The following SMYD4 variants were observed in gnomAD, a reference collection of about 807,000 sequenced individuals.
The protein encoded by SMYD4 is protein-lysine N-methyltransferase SMYD4.
In SMYD4, 68 loss-of-function variants were observed where a neutral mutation model predicts 72.8. The observed-to-expected ratio is 0.93, with a 90% confidence interval of 0.77 to 1.14. The LOEUF is 1.14. Ranked by LOEUF, SMYD4 falls within the 50% of genes most tolerant of loss-of-function variation. The pLI, the probability that SMYD4 is intolerant of heterozygous loss-of-function variation, is 0.00. For synonymous variants in SMYD4, 407 were observed against 388.6 expected (o/e 1.05, Z -0.56); for missense variants, 984 against 1,003.7 (o/e 0.98, Z 0.27).
At chr17:1,797,221 T>C (rs1369135086) in intron 5 of SMYD4, among the ~76,000 whole-genome samples, 1 of 152,248 alleles carries the variant, frequency 6.6e-6, no homozygotes, top group African/African-American at 2.4e-5. Context: ...CCACATTTAA[T>C]ATTCATCTGT....
intron 3 of SMYD4, among the ~76,000 whole-genome samples, chr17:1,807,305 T>C (rs986813439): frequency 6.6e-6 from 1 of 150,976 alleles, no homozygotes; most frequent in African/African-American, 2.4e-5. Context: ...GAACGCCATG[T>C]AGCCATCATA....
At chr17:1,827,264 C>A (rs190976074) in intron 2 of SMYD4, among the ~76,000 whole-genome samples, 1 of 151,300 alleles carries the variant, frequency 6.6e-6, no homozygotes, top group Non-Finnish European at 1.5e-5. Context: ...ATTGCCTGAA[C>A]CCGGGAGGCG....
rs145760973 is a variant in SMYD4, at chr17:1,819,813, A to T, written c.135-7698T>A. 7.2e-5 allele frequency among the ~76,000 whole-genome samples: 11 copies of T among 152,300 alleles called. No individual in the cohort carries two copies. In the East Asian group the frequency reaches 1.9e-3, roughly 27 times the overall value. On this transcript the variant is annotated intron_variant, in intron 2 of 10. Transcript: ENST00000305513. ...CTTATTTTTGTTTGTTTTGAGACAG[A>T]GTCTCACTCTGTTTCCCAGGCTGGA... is the stretch of plus-strand genomic sequence containing the variant.
At chr17:1,808,203 T>G (rs1910141756) in intron 3 of SMYD4, among the ~76,000 whole-genome samples, 1 of 152,218 alleles carries the variant, frequency 6.6e-6, no homozygotes, top group East Asian at 1.9e-4. Flanking sequence ...CATTGCAGTA[T>G]TATGATCCCG....
At chr17:1,820,983 A>G (rs1910856966) in intron 2 of SMYD4, among the ~76,000 whole-genome samples, 1 of 152,178 alleles carries the variant, frequency 6.6e-6, no homozygotes, top group Admixed American at 6.6e-5. Flanking sequence ...CTTGTTTTTA[A>G]GGAGAGAGGT....
chr17:1,790,033 T>C (rs1032409374), intron 5 of SMYD4, among the ~76,000 whole-genome samples: 4 of 152,192 alleles, frequency 2.6e-5, no homozygotes, highest in African/African-American at 7.2e-5. Context: ...TATGTGCTAA[T>C]GAGCAGTGAA....
intron 3 of SMYD4, among the ~76,000 whole-genome samples, chr17:1,807,790 G>A (rs1910121574): frequency 1.3e-5 from 2 of 152,172 alleles, no homozygotes; most frequent in Admixed American, 1.3e-4. Context: ...GTGCAGGAGT[G>A]GAAGGCTGTA....
chr17:1,813,722 A>G (rs560386754), intron 2 of SMYD4, among the ~76,000 whole-genome samples: 107 of 152,246 alleles, frequency 7.0e-4, no homozygotes, highest in Admixed American at 6.9e-3. Context: ...GCCTCTTTAT[A>G]CTATTTTTGC....
intron 4 of SMYD4, among the ~76,000 whole-genome samples, chr17:1,801,996 A>G (rs1196726754): frequency 6.6e-6 from 1 of 151,860 alleles, no homozygotes; most frequent in Non-Finnish European, 1.5e-5. Flanking sequence ...AAACAAACAA[A>G]AAACCAAATA....
At chr17:1,801,976 A>G (rs1246927052) in intron 4 of SMYD4, among the ~76,000 whole-genome samples, 2 of 152,034 alleles carry the variant, frequency 1.3e-5, no homozygotes, top group African/African-American at 4.8e-5. Flanking sequence ...ACTCTGTCTC[A>G]AAAACAAACA....
intron 2 of SMYD4, among the ~76,000 whole-genome samples, chr17:1,822,136 A>G (rs1381069765): frequency 6.6e-6 from 1 of 151,696 alleles, no homozygotes; most frequent in Non-Finnish European, 1.5e-5. Flanking sequence ...CGGGAGACTG[A>G]GGCAAGATAA....
chr17:1,794,027 A>G (rs11653651), intron 5 of SMYD4, among the ~76,000 whole-genome samples: 22,199 of 56,560 alleles, frequency 0.39, 3,756 homozygotes, highest in African/African-American at 0.46. Context: ...ATATGTGTGT[A>G]TATATATATG....
Position 1,812,062 on chromosome 17 carries a change from T to C in SMYD4, c.188A>G (p.Lys63Arg). 1 of 1,614,160 alleles carries C rather than the reference T, an allele frequency of 6.2e-7. No homozygotes were observed. Among genetic ancestry groups the C allele is most frequent in the Non-Finnish European group, 8.5e-7 (1 of 1,180,028 alleles). Residue 63 changes from lysine (K) to arginine (R), a missense_variant, in exon 3 of 11, where the codon AAG becomes AGG. Physicochemically the swap from Lys to Arg is conservative, Grantham distance 26. Transcript: ENST00000305513. The stretch of plus-strand genomic sequence containing the variant: ...GTAGAAAAGAGGAGCGTCCGAGTCC[T>C]TTCCCACCAAGTAACCTTTAGAAAG... ...KRLSKGYLVG[K>R]DSDAPLFYRE...
chr17:1,811,959 G>A lies in SMYD4; in HGVS notation c.279+12C>T, dbSNP rs369435890. On this transcript the variant is annotated intron_variant, in intron 3 of 10. Coordinates refer to ENST00000305513, the MANE Select transcript of SMYD4 (RefSeq NM_052928.3). ...AATAAATAATAAATTGCTTGAGCTG[G>A]GAGTGTTTTACCTTAGAGTACAGCA... is the stretch of plus-strand genomic sequence containing the variant. 1 of 1,607,642 alleles carries A rather than the reference G, an allele frequency of 6.2e-7. No homozygotes were observed. Among genetic ancestry groups the A allele is most frequent in the Non-Finnish European group, 8.5e-7 (1 of 1,178,148 alleles).
intron 2 of SMYD4, chr17:1,814,911 C>T (rs138218365): frequency 6.6e-4 from 100 of 152,240 alleles, no homozygotes; most frequent in African/African-American, 2.4e-3. Context: ...ATACCCTATG[C>T]CTGTCTGGTA....
intron 5 of SMYD4, among the ~76,000 whole-genome samples, chr17:1,797,737 C>T (rs112482897): frequency 0.022 from 3,341 of 152,290 alleles, 48 homozygotes; most frequent in Non-Finnish European, 0.034. Context: ...CACGGTGGCT[C>T]ACGCCTGTAA....
intron 3 of SMYD4, among the ~76,000 whole-genome samples, chr17:1,806,573 C>T (rs925861597): frequency 6.6e-6 from 1 of 152,090 alleles, no homozygotes; most frequent in Admixed American, 6.6e-5. Flanking sequence ...CAGCCTCATA[C>T]AATCAATAAA....
rs1379588754 is a variant in SMYD4, at chr17:1,779,956, G to GCCA, written c.*1327_*1329dup. The GCCA allele has an allele frequency of 6.6e-6, 1 of 152,646 alleles. No individual in the cohort carries two copies. The highest frequency in any genetic ancestry group is 1.5e-5 in the Non-Finnish European group (1 of 68,060). 9.5% of individuals were successfully genotyped at this position (152,646 alleles called of 1,614,324 possible). A position where few individuals can be genotyped will look rare whatever the true frequency, so the allele number is the denominator to read the frequency against. The stretch of plus-strand genomic sequence containing the variant: ...TCATCACTGAGCGAGGTGGAATCCA[G>GCCA]CCAAAACCCCAGGCTAACATCCAGA... On this transcript the variant is annotated 3_prime_UTR_variant, in exon 11 of 11. Coordinates refer to ENST00000305513, the MANE Select transcript of SMYD4 (RefSeq NM_052928.3).
chr17:1,788,916 G>A (rs1243564945), intron 5 of SMYD4, among the ~76,000 whole-genome samples: 1 of 152,074 alleles, frequency 6.6e-6, no homozygotes, highest in Non-Finnish European at 1.5e-5. Flanking sequence ...ACACAGAAAC[G>A]CTTAAATTAT....
Sources: gnomAD v4.1 joint callset for allele counts (sites outside exome capture counted in the v4.1 genomes callset) on GRCh38, gnomAD v4.1.1 for gene constraint, MANE v1.5 for transcripts, NCBI Gene and HGNC (gene_info 2026-07-23, HGNC 2026-07-21) for gene names.